The following NSL1 variants were observed in gnomAD, a reference collection of about 807,000 sequenced individuals.
NSL1 encodes NSL1 component of MIS12 kinetochore complex.
A neutral mutation model predicts 25.4 loss-of-function variants in NSL1; 11 were observed. The ratio of observed to expected loss-of-function variants is 0.43; its 90% CI spans 0.27 to 0.72. NSL1 has a LOEUF of 0.72. Among genes scored for constraint, NSL1 ranks in the 30% least tolerant of loss-of-function variants. The pLI is 0.19. For missense variants in NSL1, 330 were observed against 342.7 expected (o/e 0.96, Z 0.29); for synonymous variants, 118 against 120.6 (o/e 0.98, Z 0.14).
Position 212,736,298 on chromosome 1 carries a change from ACAGGCATGAGCC to A in NSL1, c.*2098_*2109del. On this transcript the variant is annotated 3_prime_UTR_variant, in exon 6 of 6. Transcript: ENST00000366977. Reference sequence around the variant, plus strand: ...TTCAGCCTCCCAAAGTGCTGGGATTACAGGCATGAGCCCACCGCGCCTGGCTATTTCTTTTCT... The same window carrying A: ...TTCAGCCTCCCAAAGTGCTGGGATTACACCGCGCCTGGCTATTTCTTTTCT... 1 of 962,038 alleles carries A rather than the reference ACAGGCATGAGCC, an allele frequency of 1.0e-6. No individual in the cohort carries two copies. Among genetic ancestry groups the A allele is most frequent in the Non-Finnish European group, 1.2e-6 (1 of 808,588 alleles). 59.6% of individuals were successfully genotyped at this position (962,038 alleles called of 1,614,324 possible). A position where few individuals can be genotyped will look rare whatever the true frequency, so the allele number is the denominator to read the frequency against.
chr1:212,787,760 T>C (rs1046858442), intron 1 of NSL1, 123 bp from the exon 2 acceptor site: 3 of 569,330 alleles, frequency 5.3e-6, no homozygotes, highest in Admixed American at 7.3e-5. Flanking sequence ...AATAGCTAAT[T>C]AGTATATCTA....
rs1571858168 is a variant in NSL1 at position 212,734,272 on chromosome 1, T to C, written c.*4136A>G. Among the ~76,000 whole-genome samples the C allele has an allele frequency of 6.6e-6, 1 of 152,202 alleles. No homozygotes were observed. ...ACCACTATGCATCGAGGGCCCATCA[T>C]GTGCCAGCAATTATTCCAGGTGGAT... On this transcript the variant is annotated 3_prime_UTR_variant, in exon 6 of 6. Transcript: ENST00000366977.
intron 4 of NSL1, among the ~76,000 whole-genome samples, chr1:212,755,169 G>A (rs924793459): frequency 6.6e-6 from 1 of 152,088 alleles, no homozygotes; most frequent in African/African-American, 2.4e-5. Flanking sequence ...AATGAAAATA[G>A]AGCAATATAA....
chr1:212,733,558 G>A lies in NSL1; in HGVS notation c.*4850C>T, dbSNP rs1268235795. 6.6e-6 allele frequency among the ~76,000 whole-genome samples: 1 copy of A among 152,008 alleles called. No individual in the cohort carries two copies. Among genetic ancestry groups the A allele is most frequent in the East Asian group, 1.9e-4 (1 of 5,190 alleles). The stretch of plus-strand genomic sequence containing the variant: ...TTGTTTCTGTAGATTTGCCTGTTCT[G>A]GACAGTTCATTTACATGGAGTCTAC... On this transcript the variant is annotated 3_prime_UTR_variant, in exon 6 of 6. Coordinates refer to ENST00000366977, the MANE Select transcript of NSL1 (RefSeq NM_015471.4).
intron 4 of NSL1, among the ~76,000 whole-genome samples, chr1:212,772,977 A>G (rs1489297881): frequency 6.6e-6 from 1 of 152,184 alleles, no homozygotes; most frequent in Non-Finnish European, 1.5e-5. Context: ...GGTGCTGGGA[A>G]AATTGGATAT....
At chr1:212,754,337 A>G (rs74138636) in intron 4 of NSL1, among the ~76,000 whole-genome samples, 3,407 of 152,278 alleles carry the variant, frequency 0.022, 114 homozygotes, top group African/African-American at 0.075. Context: ...CCTACCGGTA[A>G]GCAGAAGTAG....
In NSL1 at chr1:212,729,586, T is replaced by A. The variant is rs1443911259; in HGVS notation, c.*8822A>T. The A allele has an allele frequency of 3.0e-6, 3 of 985,242 alleles. No homozygotes were observed. The highest frequency in any genetic ancestry group is 3.6e-6 in the Non-Finnish European group (3 of 829,918). The allele number at this position is 985,242 out of a possible 1,614,324, so 61.0% of individuals were successfully genotyped here. ...CAGTGTCATCCCCTCATTTCTACAC[T>A]TCCTCAGGATCAGAGGCAGGCACAC... On this transcript the variant is annotated 3_prime_UTR_variant, in exon 6 of 6. Transcript: ENST00000366977.
chr1:212,748,347 TG>T (rs1658904813), intron 4 of NSL1, among the ~76,000 whole-genome samples: 1 of 152,198 alleles, frequency 6.6e-6, no homozygotes, highest in Non-Finnish European at 1.5e-5. Flanking sequence ...GCCAAACATA[TG>T]CCTACATGTG....
chr1:212,752,889 C>CAA (rs11284993), intron 4 of NSL1, among the ~76,000 whole-genome samples: 7,189 of 133,892 alleles, frequency 0.054, 579 homozygotes, highest in African/African-American at 0.17. Flanking sequence ...AGAAATTCAG[C>CAA]AAAAAAAAAA....
intron 4 of NSL1, 62 bp from the exon 5 acceptor site, chr1:212,739,663 T>A (rs1658411552): frequency 6.6e-7 from 1 of 1,507,406 alleles, no homozygotes; most frequent in East Asian, 2.3e-5. Flanking sequence ...ATAAAAGGCA[T>A]ATAGATACTA....
In NSL1 at chr1:212,729,653, A is replaced by G. The variant is rs1157772698; in HGVS notation, c.*8755T>C. ...ATGACAAGTCAGAGAGAATTCGAACACTTATTTTAACCTTTTCACCAAATT... is the reference window on the plus strand; with the variant it reads ...ATGACAAGTCAGAGAGAATTCGAACGCTTATTTTAACCTTTTCACCAAATT... On this transcript the variant is annotated 3_prime_UTR_variant, in exon 6 of 6. Transcript: ENST00000366977. 1 of 985,300 alleles carries G rather than the reference A, an allele frequency of 1.0e-6. No homozygotes were observed. Among genetic ancestry groups the G allele is most frequent in the Non-Finnish European group, 1.2e-6 (1 of 829,934 alleles). The allele number at this position is 985,300 out of a possible 1,614,324, so 61.0% of individuals were successfully genotyped here. A position where few individuals can be genotyped will look rare whatever the true frequency, so the allele number is the denominator to read the frequency against.
At chr1:212,787,701 T>G in intron 1 of NSL1, 64 bp from the exon 2 acceptor site, 261 of 1,016,220 alleles carry the variant, frequency 2.6e-4, no homozygotes, top group Non-Finnish European at 3.5e-4. Context: ...TCAAACGTTT[T>G]AGCAAAATAA....
chr1:212,759,064 T>C (rs75215535), intron 4 of NSL1, among the ~76,000 whole-genome samples: 3,466 of 152,212 alleles, frequency 0.023, 63 homozygotes, highest in South Asian at 0.041. Context: ...ACTGGATATA[T>C]ACATACAAAA....
At chr1:212,777,599 T>C (rs1042262660) in intron 4 of NSL1, among the ~76,000 whole-genome samples, 1 of 152,218 alleles carries the variant, frequency 6.6e-6, no homozygotes, top group African/African-American at 2.4e-5. Flanking sequence ...CCATACATTG[T>C]TTATGGATAT....
chr1:212,728,175 T>A lies in NSL1; in HGVS notation c.*10233A>T. The A allele has an allele frequency of 1.1e-6, 1 of 933,712 alleles. No individual in the cohort carries two copies. The highest frequency in any genetic ancestry group is 1.3e-6 in the Non-Finnish European group (1 of 782,930). 57.8% of individuals were successfully genotyped at this position (933,712 alleles called of 1,614,324 possible). A position where few individuals can be genotyped will look rare whatever the true frequency, so the allele number is the denominator to read the frequency against. ...AAAGAGATGGTGCATGTGAAGCTTTTAGCATGATCATGGCATGTAGTAAGC... is the reference window on the plus strand; with the variant it reads ...AAAGAGATGGTGCATGTGAAGCTTTAAGCATGATCATGGCATGTAGTAAGC... On this transcript the variant is annotated 3_prime_UTR_variant, in exon 6 of 6. Coordinates refer to ENST00000366977, the MANE Select transcript of NSL1 (RefSeq NM_015471.4).
At chr1:212,753,479 T>A (rs1204996473) in intron 4 of NSL1, among the ~76,000 whole-genome samples, 1 of 152,184 alleles carries the variant, frequency 6.6e-6, no homozygotes, top group Non-Finnish European at 1.5e-5. Flanking sequence ...TGTTTCCCCA[T>A]CACCTAAACA....
chr1:212,766,518 G>A (rs11120019), intron 4 of NSL1, among the ~76,000 whole-genome samples: 60,792 of 151,396 alleles, frequency 0.4, 13,792 homozygotes, highest in Non-Finnish European at 0.51. Context: ...GGTGGCAGGC[G>A]CCTGTAGTCC....
chr1:212,731,315 G>A lies in NSL1; in HGVS notation c.*7093C>T, dbSNP rs1658006462. On this transcript the variant is annotated 3_prime_UTR_variant, in exon 6 of 6. Coordinates refer to ENST00000366977, the MANE Select transcript of NSL1 (RefSeq NM_015471.4). ...TCATTCCTGTAATCCCAGCACTTTGGGAAGCTGAGGCAGGAGGATGGCTTG... is the reference window on the plus strand; with the variant it reads ...TCATTCCTGTAATCCCAGCACTTTGAGAAGCTGAGGCAGGAGGATGGCTTG... 2.1e-5 allele frequency: 21 copies of A among 983,156 alleles called. No homozygotes were observed. The South Asian group carries it at 8.9e-4, about 42-fold the overall frequency. The allele number at this position is 983,156 out of a possible 1,614,324, so 60.9% of individuals were successfully genotyped here. A position where few individuals can be genotyped will look rare whatever the true frequency, so the allele number is the denominator to read the frequency against.
In NSL1 at chr1:212,754,620, T is replaced by C. The variant is rs1402524816; in HGVS notation, c.500-15019A>G. Among the ~76,000 whole-genome samples the C allele has an allele frequency of 3.3e-5, 5 of 151,520 alleles. 1 individual carries two copies. The highest frequency in any genetic ancestry group is 1.3e-4 in the Admixed American group (2 of 15,206). ...GGTGAAACCCCGCCTCTACTAAAAA[T>C]ACAAAAATTATCCGGGCGTGGTGGT... On this transcript the variant is annotated intron_variant, in intron 4 of 5. Transcript: ENST00000366977.
Sources: gnomAD v4.1 joint callset for allele counts (sites outside exome capture counted in the v4.1 genomes callset) on GRCh38, gnomAD v4.1.1 for gene constraint, MANE v1.5 for transcripts, NCBI Gene and HGNC (gene_info 2026-07-23, HGNC 2026-07-21) for gene names.